Variants in MATN1 observed in about 807,000 individuals in gnomAD.
The protein encoded by MATN1 is matrilin 1.
Under a neutral mutation model 41.3 loss-of-function variants are expected in MATN1, and 34 were observed. The observed-to-expected ratio is 0.82, with a 90% CI of 0.63 to 1.10. The LOEUF (loss-of-function observed/expected upper bound fraction) is 1.10, where lower values mean the gene tolerates loss of function less well. Among genes scored for constraint, MATN1 ranks in the 50% least tolerant of loss-of-function variants. The probability of loss-of-function intolerance (pLI) is 0.00; values close to 1 mark genes in which losing one functional copy is unlikely to be tolerated. For synonymous variants in MATN1, 264 were observed against 278.7 expected, an observed-to-expected ratio of 0.95 and a Z score of 0.53; for missense variants, 602 against 662.4, an observed-to-expected ratio of 0.91 and a Z score of 1.00.
chr1:30,720,453 C>A (rs563118745), intron 2 of MATN1: 1 of 152,348 alleles, frequency 6.6e-6, no homozygotes, highest in Admixed American at 6.5e-5. Flanking sequence ...ATGCTGTTGT[C>A]TCTGTGAATG....
At chr1:30,721,804 C>T in intron 1 of MATN1, 53 bp from the exon 2 acceptor site, 1 of 1,467,426 alleles carries the variant, frequency 6.8e-7, no homozygotes, top group East Asian at 2.3e-5. Context: ...AGGTCAGGGA[C>T]TGGGCCTGAA....
intron 2 of MATN1, chr1:30,721,098 A>T (rs1377371706): frequency 3.0e-6 from 1 of 328,842 alleles, no homozygotes; most frequent in East Asian, 6.4e-5. Context: ...CTCCTCCCAT[A>T]AGCATCTGGC....
intron 3 of MATN1, 55 bp downstream of exon 3, chr1:30,718,680 G>T (rs546046334): frequency 2.2e-6 from 2 of 900,754 alleles, no homozygotes; most frequent in Admixed American, 3.8e-5. Context: ...GCCCCGCCCC[G>T]CCGCTCTCCC....
intron 3 of MATN1, chr1:30,718,404 C>T (rs1455388005): frequency 7.6e-6 from 2 of 262,192 alleles, no homozygotes; most frequent in Non-Finnish European, 1.4e-5. Context: ...CGTCTTCGCC[C>T]CTGCCCTGGC....
intron 3 of MATN1, 60 bp from the exon 4 acceptor site, chr1:30,716,975 G>T (rs1308397477): frequency 1.1e-5 from 17 of 1,528,474 alleles, no homozygotes; most frequent in Non-Finnish European, 1.4e-5. Flanking sequence ...ACTACAGACA[G>T]GTTGTCCCTC....
Position 30,716,132 on chromosome 1 carries a change from G to A in MATN1, c.984C>T (p.Pro328=). 1 of 1,614,190 alleles carries A rather than the reference G, an allele frequency of 6.2e-7. No homozygotes were observed. Among genetic ancestry groups the A allele is most frequent in the Non-Finnish European group, 8.5e-7 (1 of 1,180,028 alleles). Residue 328 remains proline (P), a synonymous_variant, in exon 5 of 8, where the codon CCC becomes CCT. Transcript: ENST00000373765. ...QYSSSVRQEF[P]LGRFHTKKDI... is the part of the protein sequence containing the mutation. ...CCTTCTTGGTGTGGAAGCGACCCAG[G>A]GGGAACTCCTGGCGCACAGAGCTTG...
chr1:30,721,131 G>A, intron 2 of MATN1: 1 of 462,804 alleles, frequency 2.2e-6, no homozygotes, highest in Non-Finnish European at 3.9e-6. Flanking sequence ...TCTTCAAGGG[G>A]CTCAGACTGG....
rs769986764 is a variant in MATN1, at chr1:30,721,546, G to A, written c.300C>T (p.Ser100=). 2.4e-5 allele frequency: 39 copies of A among 1,613,212 alleles called. No homozygotes were observed. In the Admixed American group the frequency reaches 4.5e-4, roughly 19 times the overall value. ...GCACAGCCTGCAGCAGTGCGGCCTT[G>A]GAGACATGAGCCCGCAGCGAGAACT... ...KQEFSLRAHV[S]KAALLQAVRR... is the part of the protein sequence containing the mutation. Residue 100 remains serine, a synonymous_variant, in exon 2 of 8, where the codon TCC becomes TCT. Transcript: ENST00000373765.
At position 30,721,733 on chromosome 1, in the gene MATN1, C is replaced by T. The variant is rs778488955; in HGVS notation, c.113G>A (p.Arg38Gln). The T allele has an allele frequency of 4.7e-5, 76 of 1,609,964 alleles. No individual in the cohort carries two copies. Among genetic ancestry groups the T allele is most frequent in the Middle Eastern group, 3.3e-4 (2 of 6,082 alleles). The change falls in exon 2 of 8, where the codon CGG becomes CAG. Residue 38 changes from arginine (R) to glutamine (Q), a missense_variant. By Grantham distance (43) the Arg-to-Gln change is conservative. Transcript: ENST00000373765. ...PQSRGHLCRT[R>Q]PTDLVFVVDS... ...GACAACAAACACCAGGTCTGTGGGC[C>T]GCGTCCGGCAGAGATGGCCTGGGAG...
chr1:30,718,952 G>A lies in MATN1; in HGVS notation c.447C>T (p.Val149=), dbSNP rs1639662844. 1.3e-6 allele frequency: 2 copies of A among 1,501,830 alleles called. No homozygotes were observed. The allele number at this position is 1,501,830 out of a possible 1,614,324, so 93.0% of individuals were successfully genotyped here. A position where few individuals can be genotyped will look rare whatever the true frequency, so the allele number is the denominator to read the frequency against. ...GGGGCCTCCCGTCTGTCACCACGAT[G>A]ACCACCTGCGACACGCGGGGCGGTG... is the stretch of plus-strand genomic sequence containing the variant. ...RSRSPDISKV[V]IVVTDGRPQD... is the part of the protein sequence containing the mutation. The change falls in exon 3 of 8, where the codon GTC becomes GTT. Residue 149 remains valine, a synonymous_variant. Coordinates refer to ENST00000373765, the MANE Select transcript of MATN1 (RefSeq NM_002379.3).
At chr1:30,721,857 G>A (rs1309863659) in intron 1 of MATN1, 106 bp from the exon 2 acceptor site, 4 of 852,812 alleles carry the variant, frequency 4.7e-6, no homozygotes, top group Non-Finnish European at 7.3e-6. Context: ...GAGGCCTCGG[G>A]CCCAGTAGGC....
intron 5 of MATN1, among the ~76,000 whole-genome samples, chr1:30,715,652 G>A (rs1349340801): frequency 1.3e-5 from 2 of 152,146 alleles, no homozygotes; most frequent in Non-Finnish European, 2.9e-5. Context: ...AATAGTTGAT[G>A]TGTTCTTGGG....
At chr1:30,721,094 C>G (rs573508262) in intron 2 of MATN1, 1 of 328,458 alleles carries the variant, frequency 3.0e-6, no homozygotes, top group African/African-American at 2.1e-5. Flanking sequence ...TTCACTCCTC[C>G]CATAAGCATC....
At position 30,716,797 on chromosome 1, in the gene MATN1, G is replaced by T. The variant is rs1182150865; in HGVS notation, c.783C>A (p.Thr261=). The change falls in exon 4 of 8, where the codon ACC becomes ACA. Residue 261 remains threonine (T), a synonymous_variant. Transcript: ENST00000373765. ...TGTGTCCACCCCACTGACCATTGCA[G>T]GTCTTGCCGTCGCTGTTCAGAGTGA... is the stretch of plus-strand genomic sequence containing the variant. The part of the protein sequence containing the change: ...EGFTLNSDGK[T]CNVCSGGGGS... 6.2e-7 allele frequency: 1 copy of T among 1,613,636 alleles called. No individual in the cohort carries two copies. The highest frequency in any genetic ancestry group is 2.2e-5 in the East Asian group (1 of 44,898).
intron 2 of MATN1, 142 bp downstream of exon 2, chr1:30,721,263 C>A: frequency 1.2e-6 from 1 of 821,738 alleles, no homozygotes; most frequent in Non-Finnish European, 1.9e-6. Flanking sequence ...CTAATGACCG[C>A]CCCTCTCTGA....
intron 5 of MATN1, 121 bp downstream of exon 5, chr1:30,715,788 T>C: frequency 9.7e-7 from 1 of 1,026,172 alleles, no homozygotes; most frequent in Non-Finnish European, 1.4e-6. Flanking sequence ...ATCCTCCTCA[T>C]TCAAACTCAC....
chr1:30,715,359 A>T lies in MATN1; in HGVS notation c.1208-50T>A, dbSNP rs544767800. The stretch of plus-strand genomic sequence containing the variant: ...AGGCTGGACATGGGGATGGGCAACC[A>T]TATGGCTGAGCCTCCTGGGGAAGGC... On this transcript the variant is annotated intron_variant, in intron 5 of 7. Transcript: ENST00000373765. 1.9e-6 allele frequency: 3 copies of T among 1,598,482 alleles called. No individual in the cohort carries two copies. The South Asian group carries it at 3.4e-5, about 18-fold the overall frequency.
chr1:30,713,853 G>A, intron 7 of MATN1: 1 of 604,208 alleles, frequency 1.7e-6, no homozygotes, highest in Non-Finnish European at 3.0e-6. Context: ...TAGACCTGCT[G>A]GGTTCCCCAC....
chr1:30,714,849 T>C (rs528156551), intron 6 of MATN1, among the ~76,000 whole-genome samples: 1 of 152,334 alleles, frequency 6.6e-6, no homozygotes, highest in Non-Finnish European at 1.5e-5. Context: ...TCCCAGCTAT[T>C]AACAGTTGTT....
Sources: allele counts gnomAD v4.1 joint callset (sites outside exome capture counted in the v4.1 genomes callset), GRCh38; gene constraint gnomAD v4.1.1; transcripts MANE v1.5; gene names NCBI Gene and HGNC (gene_info 2026-07-23, HGNC 2026-07-21).